Variants in ITGAV observed in about 807,000 individuals in gnomAD.
ITGAV encodes the protein integrin alpha-V.
ITGAV carries 76 observed loss-of-function variants against 143.8 expected under a neutral mutation model. The ratio of observed to expected loss-of-function variants is 0.53; its 90% CI spans 0.44 to 0.64. The LOEUF is 0.64. ITGAV is among the 30% of genes least tolerant of loss of function. The pLI, the probability that ITGAV is intolerant of heterozygous loss-of-function variation, is 0.00. For synonymous variants in ITGAV, 453 were observed against 446.7 expected (o/e 1.01, Z -0.18); for missense variants, 1,193 against 1,274.7 (o/e 0.94, Z 0.98).
At chr2:186,590,646 CTCTCAGAG>C (rs1686591844) in intron 1 of ITGAV, 123 bp downstream of exon 1, 1 of 867,570 alleles carries the variant, frequency 1.2e-6, no homozygotes, top group Non-Finnish European at 1.7e-6. Flanking sequence ...CCCATCCTAC[CTCTCAGAG>C]TGGTTTATAT....
chr2:186,644,195 C>T (rs776471816), intron 12 of ITGAV, among the ~76,000 whole-genome samples: 18 of 152,184 alleles, frequency 1.2e-4, no homozygotes, highest in African/African-American at 1.7e-4. Flanking sequence ...CTGCCTGCCT[C>T]GGCCTCCAAA....
Position 186,642,950 on chromosome 2 carries a change from T to C in ITGAV, c.1159+1362T>C, listed in dbSNP as rs74318854. 8.6e-3 allele frequency among the ~76,000 whole-genome samples: 1,307 copies of C among 152,310 alleles called. 41 individuals carry two copies. The East Asian group carries it at 0.092, about 11-fold the overall frequency. On this transcript the variant is annotated intron_variant, in intron 12 of 29. Coordinates refer to ENST00000261023, the MANE Select transcript of ITGAV (RefSeq NM_002210.5). ...GCATAAATCAAATGGAGCTATGGTA[T>C]GAAGTTCATAATAAAATGTGAAAAG...
At chr2:186,598,117 C>T (rs138796242) in intron 1 of ITGAV, among the ~76,000 whole-genome samples, 4 of 152,092 alleles carry the variant, frequency 2.6e-5, no homozygotes, top group Admixed American at 6.6e-5. Flanking sequence ...CCCAAGCAAG[C>T]ACTATTCAAG....
At chr2:186,656,483 T>C (rs1268687749) in intron 17 of ITGAV, 82 bp downstream of exon 17, 4 of 1,055,436 alleles carry the variant, frequency 3.8e-6, no homozygotes, top group Non-Finnish European at 5.3e-6. Context: ...TTTCTGTAAA[T>C]TAGTGTTAGA....
intron 1 of ITGAV, among the ~76,000 whole-genome samples, chr2:186,597,319 G>A (rs747631459): frequency 1.1e-4 from 17 of 152,148 alleles, no homozygotes; most frequent in Non-Finnish European, 2.1e-4. Flanking sequence ...AAGTAGAGAT[G>A]TTACACAAGG....
At position 186,667,834 on chromosome 2, in the gene ITGAV, A is replaced by C. The variant is rs142700066; in HGVS notation, c.2433+58A>C. On this transcript the variant is annotated intron_variant, in intron 24 of 29. Coordinates refer to ENST00000261023, the MANE Select transcript of ITGAV (RefSeq NM_002210.5). The stretch of plus-strand genomic sequence containing the variant: ...TGAGCAAGCCAACGAAGAGAGGAAC[A>C]ACTAAGCTACTTTAAAAAAAAAATT... 4.5e-4 allele frequency: 467 copies of C among 1,043,460 alleles called. 3 individuals carry two copies. In the African/African-American group the frequency reaches 6.9e-3, roughly 15 times the overall value. The allele number at this position is 1,043,460 out of a possible 1,614,324, so 64.6% of individuals were successfully genotyped here.
chr2:186,669,896 A>G, intron 26 of ITGAV, 82 bp downstream of exon 26: 1 of 898,568 alleles, frequency 1.1e-6, no homozygotes, highest in East Asian at 2.5e-5. Flanking sequence ...CATTTCAAAA[A>G]TAACAACAGC....
chr2:186,630,348 C>G (rs530659958), intron 4 of ITGAV, among the ~76,000 whole-genome samples: 1 of 149,812 alleles, frequency 6.7e-6, no homozygotes, highest in Non-Finnish European at 1.5e-5. Context: ...GGGTCAAAAC[C>G]ACTATAGTTT....
chr2:186,610,440 G>C (rs774489648), intron 2 of ITGAV, among the ~76,000 whole-genome samples: 6 of 152,112 alleles, frequency 3.9e-5, no homozygotes, highest in Admixed American at 1.3e-4. Context: ...AGATTTGCCT[G>C]ATAGAATGTA....
Position 186,623,072 on chromosome 2 carries a change from G to GA in ITGAV, c.408+651dup, listed in dbSNP as rs981772550. Among the ~76,000 whole-genome samples the GA allele has an allele frequency of 1.4e-4, 21 of 150,906 alleles. No homozygotes were observed. The East Asian group carries it at 2.7e-3, about 20-fold the overall frequency. ...ATGTTGAAGTGGAATACAGAACAAA[G>GA]AAAAAAAAATAACAACCTTCCTTCA... On this transcript the variant is annotated intron_variant, in intron 3 of 29. Transcript: ENST00000261023.
At position 186,676,403 on chromosome 2, in the gene ITGAV, A is replaced by G. The variant is rs61764174; in HGVS notation, c.2929-410A>G. The stretch of plus-strand genomic sequence containing the variant: ...GATCATTTGAGGCCAGGATTTCAAG[A>G]CCAGCCTGGCCAACATGGTGAAACC... On this transcript the variant is annotated intron_variant, in intron 28 of 29. Coordinates refer to ENST00000261023, the MANE Select transcript of ITGAV (RefSeq NM_002210.5). 1,142 of 170,716 alleles carry G rather than the reference A, an allele frequency of 6.7e-3. 15 individuals are homozygous for G. Among genetic ancestry groups the G allele is most frequent in the African/African-American group, 0.026 (1,084 of 41,746 alleles). The allele number at this position is 170,716 out of a possible 1,614,324, so 10.6% of individuals were successfully genotyped here. A position where few individuals can be genotyped will look rare whatever the true frequency, so the allele number is the denominator to read the frequency against.
Position 186,636,180 on chromosome 2 carries a change from C to T in ITGAV, c.730C>T (p.Gln244Ter). The change falls in exon 7 of 30, where the codon CAA becomes TAA. Residue 244 changes from glutamine (Q) to a stop codon, truncating the protein, a stop_gained. Coordinates refer to ENST00000261023, the MANE Select transcript of ITGAV (RefSeq NM_002210.5). LOFTEE classifies it high-confidence loss of function. ...YNNQLATRTA[Q>*]AIFDDSYLGY... The stretch of plus-strand genomic sequence containing the variant: ...TAACCAATTAGCAACTCGGACTGCA[C>T]AAGCTATTTTTGATGACAGCTATTT... 2 of 1,612,286 alleles carry T rather than the reference C, an allele frequency of 1.2e-6. No individual in the cohort carries two copies. The highest frequency in any genetic ancestry group is 1.7e-6 in the Non-Finnish European group (2 of 1,179,290).
At chr2:186,603,989 C>T (rs1686987419) in intron 2 of ITGAV, among the ~76,000 whole-genome samples, 3 of 151,728 alleles carry the variant, frequency 2.0e-5, no homozygotes, top group South Asian at 4.2e-4. Flanking sequence ...CTCAGCCCCA[C>T]GAGGAGTTGG....
chr2:186,598,168 T>C (rs1686797986), intron 1 of ITGAV, among the ~76,000 whole-genome samples: 2 of 152,124 alleles, frequency 1.3e-5, no homozygotes, highest in Admixed American at 1.3e-4. Flanking sequence ...ACTGTTCTTT[T>C]GTTCTAGTAT....
chr2:186,626,733 A>G (rs1357424214), intron 4 of ITGAV, among the ~76,000 whole-genome samples: 2 of 152,208 alleles, frequency 1.3e-5, no homozygotes, highest in African/African-American at 2.4e-5. Context: ...ATACCTACTC[A>G]GATCTGTATT....
chr2:186,598,595 G>T (rs951116091), intron 1 of ITGAV, among the ~76,000 whole-genome samples: 1 of 151,696 alleles, frequency 6.6e-6, no homozygotes, highest in South Asian at 2.1e-4. Flanking sequence ...ATGCCACCAC[G>T]CCTGGCTAAT....
At position 186,677,413 on chromosome 2, in the gene ITGAV, A is replaced by G. The variant is rs1014500983; in HGVS notation, c.*121A>G. The G allele has an allele frequency of 7.4e-6, 5 of 678,070 alleles. No homozygotes were observed. The highest frequency in any genetic ancestry group is 1.3e-5 in the Non-Finnish European group (5 of 387,268). The allele number at this position is 678,070 out of a possible 1,614,324, so 42.0% of individuals were successfully genotyped here. Reference sequence around the variant, plus strand: ...TTTACTGCTGATAGTGCTAATTGGCATTAACCACAAAATGAGAATTATATT... The same window carrying G: ...TTTACTGCTGATAGTGCTAATTGGCGTTAACCACAAAATGAGAATTATATT... On this transcript the variant is annotated 3_prime_UTR_variant, in exon 30 of 30. Transcript: ENST00000261023.
intron 18 of ITGAV, among the ~76,000 whole-genome samples, chr2:186,662,073 G>A (rs555467649): frequency 3.0e-4 from 45 of 152,082 alleles, no homozygotes; most frequent in African/African-American, 1.1e-3. Flanking sequence ...CCTATAGAGT[G>A]ATATCAGCCA....
At chr2:186,658,979 G>C in intron 17 of ITGAV, 59 bp from the exon 18 acceptor site, 1 of 1,375,206 alleles carries the variant, frequency 7.3e-7, no homozygotes, top group South Asian at 1.4e-5. Flanking sequence ...TGCACTTATG[G>C]ATTTCTCCAG....
Sources: allele counts gnomAD v4.1 joint callset (sites outside exome capture counted in the v4.1 genomes callset), GRCh38; gene constraint gnomAD v4.1.1; transcripts MANE v1.5; gene names NCBI Gene and HGNC (gene_info 2026-07-23, HGNC 2026-07-21).